The following CHRNA7 variants were observed in gnomAD, a reference collection of about 807,000 sequenced individuals.
The protein encoded by CHRNA7 is neuronal acetylcholine receptor subunit alpha-7.
Under a neutral mutation model 48.0 loss-of-function variants are expected in CHRNA7, and 17 were observed. The observed-to-expected ratio is 0.35, with a 90% confidence interval of 0.24 to 0.53. CHRNA7 has a LOEUF of 0.53. CHRNA7 is among the 20% of genes least tolerant of loss of function. The pLI is 0.92. For synonymous variants in CHRNA7, 75 were observed against 242.3 expected (o/e 0.31, Z 6.41); for missense variants, 155 against 577.7 (o/e 0.27, Z 7.50).
intron 2 of CHRNA7, among the ~76,000 whole-genome samples, chr15:32,086,511 G>A (rs559678492): frequency 3.3e-5 from 5 of 152,246 alleles, no homozygotes; most frequent in South Asian, 2.1e-4. Flanking sequence ...TCTTGCATCA[G>A]TATGATGCTG....
intron 2 of CHRNA7, 76 bp downstream of exon 2, chr15:32,031,113 G>T: frequency 6.3e-7 from 1 of 1,580,266 alleles, no homozygotes. Context: ...GCGTCGGGCG[G>T]CCAGGCGGTG....
At chr15:32,060,951 G>A (rs1239096539) in intron 2 of CHRNA7, among the ~76,000 whole-genome samples, 1 of 152,182 alleles carries the variant, frequency 6.6e-6, no homozygotes, top group Non-Finnish European at 1.5e-5. Context: ...CCCACCAAGG[G>A]CTGATATGCA....
chr15:32,051,352 G>A (rs1017758871), intron 2 of CHRNA7, among the ~76,000 whole-genome samples: 19 of 152,196 alleles, frequency 1.2e-4, no homozygotes, highest in African/African-American at 3.9e-4. Flanking sequence ...CCTAGGCAAT[G>A]GCGGGCGCCC....
chr15:32,082,258 G>A (rs1176145730), intron 2 of CHRNA7, among the ~76,000 whole-genome samples: 1 of 151,978 alleles, frequency 6.6e-6, no homozygotes, highest in African/African-American at 2.4e-5. Flanking sequence ...TATCAAATTT[G>A]TGAAGTGTTG....
At chr15:32,063,102 G>A (rs544814041) in intron 2 of CHRNA7, among the ~76,000 whole-genome samples, 58 of 152,292 alleles carry the variant, frequency 3.8e-4, no homozygotes, top group African/African-American at 1.3e-3. Context: ...GGTAGTTACC[G>A]TGAGTGCAGC....
rs1180311418 is a variant in CHRNA7, at chr15:32,149,890, T to C, written c.351-4017T>C. ...TGTAGGAACTTTTTTTTTTTCAGAG[T>C]TGAATCACTGATCTAACAGATGCTC... On this transcript the variant is annotated intron_variant, in intron 4 of 9. Transcript: ENST00000306901. The surrounding 1 kb of genome is among the most constrained non-coding windows in gnomAD (Gnocchi z 4.6). Among the ~76,000 whole-genome samples the C allele has an allele frequency of 6.6e-6, 1 of 151,810 alleles. No individual in the cohort carries two copies. Among genetic ancestry groups the C allele is most frequent in the Admixed American group, 6.6e-5 (1 of 15,242 alleles).
intron 2 of CHRNA7, among the ~76,000 whole-genome samples, chr15:32,082,859 G>T (rs895095126): frequency 2.0e-5 from 3 of 152,184 alleles, no homozygotes; most frequent in East Asian, 3.9e-4. Context: ...CTCAGGCTGG[G>T]CATGATGGCT....
intron 2 of CHRNA7, among the ~76,000 whole-genome samples, chr15:32,043,851 G>C (rs928581416): frequency 6.6e-6 from 1 of 152,004 alleles, no homozygotes; most frequent in African/African-American, 2.4e-5. Flanking sequence ...TCTTTCTTGA[G>C]AGTCTGGAAG....
intron 4 of CHRNA7, chr15:32,112,450 G>A (rs561445811): frequency 7.0e-6 from 3 of 425,790 alleles, no homozygotes; most frequent in East Asian, 7.2e-5. Context: ...TTTCTCCTGA[G>A]GTCAGGAAAT....
At chr15:32,124,122 A>C (rs2051024098) in intron 4 of CHRNA7, among the ~76,000 whole-genome samples, 1 of 152,228 alleles carries the variant, frequency 6.6e-6, no homozygotes, top group Admixed American at 6.5e-5. Flanking sequence ...CAAAAAATCA[A>C]AATCCAACTA....
intron 2 of CHRNA7, among the ~76,000 whole-genome samples, chr15:32,052,776 T>C (rs554602199): frequency 1.3e-5 from 2 of 152,174 alleles, no homozygotes; most frequent in East Asian, 3.9e-4. Context: ...ATGAAAGATA[T>C]AGTTAGATAG....
At chr15:32,073,228 A>C (rs537282720) in intron 2 of CHRNA7, among the ~76,000 whole-genome samples, 1 of 152,316 alleles carries the variant, frequency 6.6e-6, no homozygotes, top group African/African-American at 2.4e-5. Flanking sequence ...AAAGGAGGTT[A>C]TATTGGAGCT....
At chr15:32,117,309 G>A (rs765538561) in intron 4 of CHRNA7, among the ~76,000 whole-genome samples, 7 of 152,200 alleles carry the variant, frequency 4.6e-5, no homozygotes, top group Non-Finnish European at 8.8e-5. Context: ...ATCATAGGCT[G>A]AGAGCTGCTT....
intron 4 of CHRNA7, among the ~76,000 whole-genome samples, chr15:32,136,779 C>T (rs377553614): frequency 6.6e-6 from 1 of 151,864 alleles, no homozygotes; most frequent in East Asian, 1.9e-4. Flanking sequence ...CGCCTGTAAT[C>T]CCGGCACTGT....
chr15:32,037,425 C>G (rs535524653), intron 2 of CHRNA7, among the ~76,000 whole-genome samples: 21 of 152,264 alleles, frequency 1.4e-4, no homozygotes, highest in Middle Eastern at 6.8e-3. Flanking sequence ...TTGCGTCTCT[C>G]TATAAACTTT....
chr15:32,057,044 T>C (rs762307278), intron 2 of CHRNA7, among the ~76,000 whole-genome samples: 1 of 152,226 alleles, frequency 6.6e-6, no homozygotes, highest in Non-Finnish European at 1.5e-5. Flanking sequence ...TGGCTACCAC[T>C]AGGCACTTGT....
At chr15:32,114,040 A>ATG (rs1555383670) in intron 4 of CHRNA7, among the ~76,000 whole-genome samples, 100 of 64,848 alleles carry the variant, frequency 1.5e-3, no homozygotes, top group Admixed American at 4.7e-3. Context: ...ATATATATAT[A>ATG]TATGTATATA....
chr15:32,105,443 G>A (rs1020124494), intron 3 of CHRNA7, among the ~76,000 whole-genome samples: 1 of 151,128 alleles, frequency 6.6e-6, no homozygotes, highest in South Asian at 2.1e-4. Context: ...AGAGGCGGAG[G>A]AGAAGGAGGA....
chr15:32,137,041 A>T (rs1452590626), intron 4 of CHRNA7, among the ~76,000 whole-genome samples: 6 of 147,492 alleles, frequency 4.1e-5, no homozygotes, highest in African/African-American at 1.3e-4. Context: ...CAAAAAAAAA[A>T]AAAAAGAAAA....
Sources: gnomAD v4.1 joint callset for allele counts (sites outside exome capture counted in the v4.1 genomes callset) on GRCh38, gnomAD v4.1.1 for gene constraint, Gnocchi (gnomAD v3.1) non-coding constraint, MANE v1.5 for transcripts, NCBI Gene and HGNC (gene_info 2026-07-23, HGNC 2026-07-21) for gene names.